ATP8A2: variants seen among roughly 807,000 people sequenced by gnomAD.
ATP8A2 encodes ATPase phospholipid transporting 8A2.
A neutral mutation model predicts 165.6 loss-of-function variants in ATP8A2; 100 were observed. The observed-to-expected ratio is 0.60, with a 90% CI of 0.51 to 0.71. The LOEUF (loss-of-function observed/expected upper bound fraction) is 0.71, where lower values mean the gene tolerates loss of function less well. Among genes scored for constraint, ATP8A2 ranks in the 30% least tolerant of loss-of-function variants. ATP8A2 has a pLI of 0.00. For missense variants in ATP8A2, 1,227 were observed against 1,479.5 expected, an observed-to-expected ratio of 0.83 and a Z score of 2.80; for synonymous variants, 543 against 548.8, an observed-to-expected ratio of 0.99 and a Z score of 0.15.
At chr13:25,384,878 G>C (rs1054600371) in intron 1 of ATP8A2, among the ~76,000 whole-genome samples, 1 of 152,182 alleles carries the variant, frequency 6.6e-6, no homozygotes, top group Non-Finnish European at 1.5e-5. Flanking sequence ...GGAGTCCCAG[G>C]AGGAGGCAGT....
intron 27 of ATP8A2, among the ~76,000 whole-genome samples, chr13:25,785,442 C>T (rs1278625289): frequency 1.3e-5 from 2 of 152,086 alleles, no homozygotes; most frequent in Non-Finnish European, 2.9e-5. Context: ...TCTATTTTGG[C>T]TGAAATTCTC....
intron 33 of ATP8A2, among the ~76,000 whole-genome samples, chr13:25,940,025 G>A (rs928932184): frequency 1.3e-5 from 2 of 152,152 alleles, no homozygotes; most frequent in African/African-American, 2.4e-5. Flanking sequence ...TTGGCGAAAC[G>A]TGAAAGGATG....
rs1332726820 is a variant in ATP8A2, at chr13:26,024,426, T to G, written c.*4441T>G. 1 of 152,224 alleles carries G rather than the reference T, an allele frequency of 6.6e-6. No individual in the cohort carries two copies. Among genetic ancestry groups the G allele is most frequent in the Non-Finnish European group, 1.5e-5 (1 of 68,066 alleles). The allele number at this position is 152,224 out of a possible 1,614,324, so 9.4% of individuals were successfully genotyped here. A position where few individuals can be genotyped will look rare whatever the true frequency, so the allele number is the denominator to read the frequency against. Reference sequence around the variant, plus strand: ...AACTAATGTTCTGTTTAAAGCTCTCTTAATTTGTTGGCTATGAGTGATTTG... The same window carrying G: ...AACTAATGTTCTGTTTAAAGCTCTCGTAATTTGTTGGCTATGAGTGATTTG... On this transcript the variant is annotated 3_prime_UTR_variant, in exon 37 of 37. Transcript: ENST00000381655.
rs183406295 is a variant in ATP8A2 at position 25,603,919 on chromosome 13, T to C, written c.2211+14220T>C. 3.3e-5 allele frequency among the ~76,000 whole-genome samples: 5 copies of C among 152,132 alleles called. No individual in the cohort carries two copies. In the East Asian group the frequency reaches 9.7e-4, roughly 29 times the overall value. On this transcript the variant is annotated intron_variant, in intron 24 of 36. Transcript: ENST00000381655. ...TGTGTTTGGGAAATCAGGGGAAAGGTCTATTATGGAGAAAAATACTGAGTA... is the reference window on the plus strand; with the variant it reads ...TGTGTTTGGGAAATCAGGGGAAAGGCCTATTATGGAGAAAAATACTGAGTA...
chr13:25,588,568 C>A (rs2039984933), intron 23 of ATP8A2, among the ~76,000 whole-genome samples: 1 of 152,176 alleles, frequency 6.6e-6, no homozygotes, highest in Admixed American at 6.5e-5. Flanking sequence ...ACAGTACTGG[C>A]CAAGCCCTCC....
At chr13:25,528,822 A>C in intron 2 of ATP8A2, among the ~76,000 whole-genome samples, 1 of 70,176 alleles carries the variant, frequency 1.4e-5, no homozygotes, top group South Asian at 4.2e-4. Context: ...ATGTGTATGC[A>C]CACATATGCA....
At chr13:25,598,075 G>T (rs1223690450) in intron 24 of ATP8A2, among the ~76,000 whole-genome samples, 6 of 152,070 alleles carry the variant, frequency 3.9e-5, no homozygotes, top group Non-Finnish European at 8.8e-5. Flanking sequence ...TTGAGGTCCA[G>T]TTTATATCCC....
chr13:25,735,148 A>G (rs1490958122), intron 25 of ATP8A2, among the ~76,000 whole-genome samples: 6 of 152,210 alleles, frequency 3.9e-5, no homozygotes, highest in African/African-American at 1.4e-4. Flanking sequence ...ATCTTATTGC[A>G]GGTTGCTGGC....
At chr13:25,401,749 A>G (rs145890278) in intron 1 of ATP8A2, among the ~76,000 whole-genome samples, 144 of 152,286 alleles carry the variant, frequency 9.5e-4, no homozygotes, top group African/African-American at 2.8e-3. Flanking sequence ...GCACATACAT[A>G]CCTATGATAA....
At chr13:25,624,556 A>G (rs2041054863) in intron 24 of ATP8A2, among the ~76,000 whole-genome samples, 1 of 152,194 alleles carries the variant, frequency 6.6e-6, no homozygotes, top group Admixed American at 6.6e-5. Context: ...TGGTGCCTCT[A>G]TTAGAGAGTA....
chr13:25,564,056 G>A, intron 16 of ATP8A2, 25 bp downstream of exon 16: 2 of 1,537,860 alleles, frequency 1.3e-6, no homozygotes, highest in Non-Finnish European at 1.8e-6. Flanking sequence ...TTACTTCGAA[G>A]ACAGCAAACA....
intron 7 of ATP8A2, among the ~76,000 whole-genome samples, chr13:25,538,964 T>C (rs2038375923): frequency 6.6e-6 from 1 of 152,144 alleles, no homozygotes; most frequent in Non-Finnish European, 1.5e-5. Context: ...TCCATATTGA[T>C]TGACAACAAA....
At chr13:25,671,272 G>A (rs781160345) in intron 24 of ATP8A2, among the ~76,000 whole-genome samples, 16 of 151,982 alleles carry the variant, frequency 1.1e-4, no homozygotes, top group Middle Eastern at 3.2e-3. Flanking sequence ...GATGTATATC[G>A]CCTCAGGACC....
chr13:25,912,196 AG>A (rs1954132133), intron 33 of ATP8A2, among the ~76,000 whole-genome samples: 3 of 113,100 alleles, frequency 2.7e-5, no homozygotes, highest in Non-Finnish European at 4.9e-5. Flanking sequence ...ACACACACAC[AG>A]TGGAATAGTC....
intron 28 of ATP8A2, among the ~76,000 whole-genome samples, chr13:25,830,239 C>G (rs1291679558): frequency 1.3e-5 from 2 of 151,992 alleles, no homozygotes; most frequent in African/African-American, 4.8e-5. Flanking sequence ...TCTCAAACTC[C>G]TGGGCTCAAG....
At chr13:25,670,227 TG>T (rs1355007724) in intron 24 of ATP8A2, among the ~76,000 whole-genome samples, 4 of 152,242 alleles carry the variant, frequency 2.6e-5, no homozygotes, top group Admixed American at 2.6e-4. Context: ...TCCACCATTT[TG>T]TATGATGTGA....
intron 25 of ATP8A2, among the ~76,000 whole-genome samples, chr13:25,730,294 C>T (rs911559798): frequency 9.9e-5 from 15 of 152,052 alleles, no homozygotes; most frequent in Admixed American, 3.9e-4. Context: ...CCTGTCTCAA[C>T]AACAACAACA....
intron 25 of ATP8A2, among the ~76,000 whole-genome samples, chr13:25,727,717 G>A (rs1408398697): frequency 6.6e-6 from 1 of 152,130 alleles, no homozygotes; most frequent in East Asian, 1.9e-4. Context: ...AACTTTTATA[G>A]AGAAAATATT....
At chr13:25,814,339 T>C (rs1950955378) in intron 27 of ATP8A2, among the ~76,000 whole-genome samples, 1 of 152,184 alleles carries the variant, frequency 6.6e-6, no homozygotes, top group Admixed American at 6.5e-5. Context: ...GCATTGAGTC[T>C]GTAGACTCAA....
Sources: allele counts gnomAD v4.1 joint callset (sites outside exome capture counted in the v4.1 genomes callset), GRCh38; gene constraint gnomAD v4.1.1; transcripts MANE v1.5; gene names NCBI Gene and HGNC (gene_info 2026-07-23, HGNC 2026-07-21).